INPP4A: variants seen among roughly 807,000 people sequenced by gnomAD.
INPP4A encodes the protein inositol polyphosphate-4-phosphatase type I A, also known as inositol polyphosphate-4-phosphatase, type I, 107kD.
A neutral mutation model predicts 119.8 loss-of-function variants in INPP4A; 33 were observed. That is an observed-to-expected ratio of 0.28 (90% CI 0.21 to 0.37). The LOEUF (loss-of-function observed/expected upper bound fraction) is 0.37. Among genes scored for constraint, INPP4A ranks in the 10% least tolerant of loss-of-function variants. The pLI is 1.00. For missense variants in INPP4A, 956 were observed against 1,289.9 expected (o/e 0.74, Z 3.97); for synonymous variants, 496 against 500.7 (o/e 0.99, Z 0.12).
At chr2:98,479,006 C>T (rs1286254182) in intron 1 of INPP4A, among the ~76,000 whole-genome samples, 7 of 152,186 alleles carry the variant, frequency 4.6e-5, no homozygotes, top group Non-Finnish European at 1.0e-4. Context: ...TTGTTCAATG[C>T]AGATACTGGG....
At chr2:98,573,988 G>T (rs1194742781) in intron 23 of INPP4A, among the ~76,000 whole-genome samples, 1 of 152,156 alleles carries the variant, frequency 6.6e-6, no homozygotes, top group Non-Finnish European at 1.5e-5. Context: ...GGATCAATCT[G>T]CAGGTCTCCC....
chr2:98,507,406 T>C (rs1684278992), intron 1 of INPP4A, among the ~76,000 whole-genome samples: 1 of 152,250 alleles, frequency 6.6e-6, no homozygotes, highest in Non-Finnish European at 1.5e-5. Context: ...ATGAGAGTTA[T>C]TTGACCATTC....
At chr2:98,584,616 T>C (rs1321873287) in intron 24 of INPP4A, among the ~76,000 whole-genome samples, 1 of 152,272 alleles carries the variant, frequency 6.6e-6, no homozygotes, top group Non-Finnish European at 1.5e-5. Context: ...GCTTGGCCCG[T>C]GGGCTGAGAG....
At chr2:98,549,402 T>C (rs1416783968) in intron 13 of INPP4A, among the ~76,000 whole-genome samples, 1 of 152,214 alleles carries the variant, frequency 6.6e-6, no homozygotes, top group Non-Finnish European at 1.5e-5. Flanking sequence ...TACATCTTCA[T>C]GATGCTTATT....
At chr2:98,460,503 C>G (rs1044978278) in intron 1 of INPP4A, among the ~76,000 whole-genome samples, 17 of 152,084 alleles carry the variant, frequency 1.1e-4, no homozygotes, top group Non-Finnish European at 2.4e-4. Context: ...TTTTTTAAGA[C>G]TCTTTCATTC....
At chr2:98,557,171 T>C (rs1353999701) in intron 16 of INPP4A, among the ~76,000 whole-genome samples, 1 of 152,238 alleles carries the variant, frequency 6.6e-6, no homozygotes, top group Non-Finnish European at 1.5e-5. Flanking sequence ...TGTTTAAATA[T>C]AGATACATTT....
chr2:98,526,154 C>T (rs1272478127), intron 4 of INPP4A, among the ~76,000 whole-genome samples: 1 of 152,068 alleles, frequency 6.6e-6, no homozygotes, highest in East Asian at 1.9e-4. Context: ...AGATGAGTCT[C>T]GAAAACATTC....
intron 1 of INPP4A, among the ~76,000 whole-genome samples, chr2:98,465,470 A>T (rs559725089): frequency 1.3e-5 from 2 of 152,236 alleles, no homozygotes; most frequent in Admixed American, 1.3e-4. Context: ...TGAGTCTGCA[A>T]ATCCTTTGCT....
At chr2:98,449,418 T>A (rs1484066169) in intron 1 of INPP4A, among the ~76,000 whole-genome samples, 2 of 152,196 alleles carry the variant, frequency 1.3e-5, no homozygotes, top group East Asian at 3.8e-4. Context: ...ATTACTCCCA[T>A]TATGCATTTT....
At chr2:98,544,115 A>G in intron 11 of INPP4A, 108 bp downstream of exon 11, 1 of 1,032,550 alleles carries the variant, frequency 9.7e-7, no homozygotes, top group Non-Finnish European at 1.4e-6. Flanking sequence ...GGGATCTGGA[A>G]CACAGGGTCA....
intron 1 of INPP4A, among the ~76,000 whole-genome samples, chr2:98,474,037 G>A (rs1676704829): frequency 6.6e-6 from 1 of 152,150 alleles, no homozygotes; most frequent in South Asian, 2.1e-4. Context: ...GAGCCCTTCG[G>A]GGGCAGTCTG....
rs528380980 is a variant in INPP4A at position 98,590,250 on chromosome 2, C to T, written c.*2642C>T. 20 of 202,960 alleles carry T rather than the reference C, an allele frequency of 9.9e-5. No homozygotes were observed. Among genetic ancestry groups the T allele is most frequent in the African/African-American group, 3.0e-4 (13 of 43,764 alleles). 12.6% of individuals were successfully genotyped at this position (202,960 alleles called of 1,614,324 possible). ...GTTCTTGGGCATTGCATTGAGTGCT[C>T]GGGTGCTGAATACATGTTTGTAAAC... On this transcript the variant is annotated 3_prime_UTR_variant, in exon 25 of 25. Coordinates refer to ENST00000409851, the MANE Select transcript of INPP4A (RefSeq NM_001134225.2).
intron 1 of INPP4A, among the ~76,000 whole-genome samples, chr2:98,483,029 C>T (rs1678792270): frequency 6.6e-6 from 1 of 152,204 alleles, no homozygotes; most frequent in Admixed American, 6.5e-5. Flanking sequence ...ACCCTAACCA[C>T]TTCTGGTGTC....
Position 98,555,562 on chromosome 2 carries a change from T to C in INPP4A, c.1576T>C (p.Trp526Arg), listed in dbSNP as rs777352345. The change falls in exon 16 of 25, where the codon TGG (tryptophan) becomes CGG (arginine). Residue 526 changes from tryptophan to arginine, a missense_variant. Physicochemically the swap from Trp to Arg is moderately radical, Grantham distance 101. Around this residue, in one of 2 missense-constraint regions of INPP4A, gnomAD observed 652 missense variants for 797.9 expected, o/e 0.82. Coordinates refer to ENST00000409851, the MANE Select transcript of INPP4A (RefSeq NM_001134225.2). ...DWHEEEWEKV[W>R]LNVDKSLECI... is the part of the protein sequence containing the mutation. Reference sequence around the variant, plus strand: ...CCCTTTGATTTGGAAGGAGAAAGTGTGGCTGAACGTGGACAAGAGCCTAGA... The same window carrying C: ...CCCTTTGATTTGGAAGGAGAAAGTGCGGCTGAACGTGGACAAGAGCCTAGA... 1.3e-6 allele frequency: 2 copies of C among 1,598,930 alleles called. No homozygotes were observed. Among genetic ancestry groups the C allele is most frequent in the South Asian group, 2.2e-5 (2 of 89,864 alleles).
Position 98,566,317 on chromosome 2 carries a change from C to CAAAGACAG in INPP4A, c.2420+148_2420+149insAAAGACAG. The CAAAGACAG allele has an allele frequency of 2.2e-6, 2 of 910,226 alleles. No individual in the cohort carries two copies. The highest frequency in any genetic ancestry group is 3.2e-6 in the Non-Finnish European group (2 of 630,528). The allele number at this position is 910,226 out of a possible 1,614,324, so 56.4% of individuals were successfully genotyped here. ...CAACATTTTCATCATGGCCGTGCAC[C>CAAAGACAG]TCACTGTCTTTGGTGCTAGGGACAC... On this transcript the variant is annotated intron_variant, in intron 21 of 24. Coordinates refer to ENST00000409851, the MANE Select transcript of INPP4A (RefSeq NM_001134225.2). The surrounding 1 kb of genome is among the most constrained non-coding windows in gnomAD (Gnocchi z 4.2).
At chr2:98,539,483 C>A in intron 9 of INPP4A, 45 bp from the exon 10 acceptor site, 1 of 1,581,534 alleles carries the variant, frequency 6.3e-7, no homozygotes, top group South Asian at 1.1e-5. Flanking sequence ...GGCAGGTCTG[C>A]AGCCAGTTCA....
chr2:98,515,238 T>C (rs1685885936), intron 1 of INPP4A, among the ~76,000 whole-genome samples: 2 of 152,130 alleles, frequency 1.3e-5, no homozygotes, highest in Non-Finnish European at 2.9e-5. Flanking sequence ...GGATTTGGGG[T>C]TTCTGAGAGT....
rs1476382968 is a variant in INPP4A at position 98,554,275 on chromosome 2, G to T, written c.1352G>T (p.Arg451Leu). 6.2e-7 allele frequency: 1 copy of T among 1,601,056 alleles called. No individual in the cohort carries two copies. The highest frequency in any genetic ancestry group is 1.1e-5 in the South Asian group (1 of 88,760). ...TTGGTTTGTGTGCACCTGCAGACAC[G>T]GCAGCTGGTCACGGTCTGCGACTGC... The part of the protein sequence containing the change: ...RTLAILADKT[R>L]QLVTVCDCKL... The change falls in exon 15 of 25, where the codon CGG becomes CTG. Residue 451 changes from arginine to leucine, a missense_variant. Coordinates refer to ENST00000409851, the MANE Select transcript of INPP4A (RefSeq NM_001134225.2). The surrounding 1 kb of genome is among the most constrained non-coding windows in gnomAD (Gnocchi z 4.7).
chr2:98,568,913 C>T (rs1227082391), intron 22 of INPP4A: 2 of 438,058 alleles, frequency 4.6e-6, no homozygotes, highest in East Asian at 3.9e-5. Flanking sequence ...CCCATGCTGT[C>T]GTAGTCACTG....
Sources: allele counts gnomAD v4.1 joint callset (sites outside exome capture counted in the v4.1 genomes callset), GRCh38; gene constraint gnomAD v4.1.1; regional missense constraint gnomAD v4.1.1; non-coding constraint Gnocchi (gnomAD v3.1); transcripts MANE v1.5; gene names NCBI Gene and HGNC (gene_info 2026-07-23, HGNC 2026-07-21).